Variants in KLHL20 observed in about 807,000 individuals in gnomAD.
KLHL20 encodes the protein kelch like family member 20.
In KLHL20, 29 loss-of-function variants were observed where a neutral mutation model predicts 69.5. The ratio of observed to expected loss-of-function variants is 0.42; its 90% CI spans 0.31 to 0.57. The LOEUF (loss-of-function observed/expected upper bound fraction) is 0.57. KLHL20 is among the 20% of genes least tolerant of loss of function. The pLI is 0.18. For missense variants in KLHL20, 419 were observed against 776.0 expected (o/e 0.54, Z 5.47); for synonymous variants, 253 against 265.2 (o/e 0.95, Z 0.45).
At chr1:173,738,973 T>C (rs935157500) in intron 3 of KLHL20, among the ~76,000 whole-genome samples, 28 of 152,300 alleles carry the variant, frequency 1.8e-4, no homozygotes, top group African/African-American at 6.3e-4. Context: ...TTATGTTCTT[T>C]CCTGGTTTTG....
intron 2 of KLHL20, among the ~76,000 whole-genome samples, chr1:173,722,005 T>C (rs1671738475): frequency 6.6e-6 from 1 of 152,170 alleles, no homozygotes; most frequent in African/African-American, 2.4e-5. Context: ...TGCATTGCAA[T>C]AAAGAAGTAC....
intron 7 of KLHL20, among the ~76,000 whole-genome samples, chr1:173,765,226 G>A (rs182837192): frequency 5.0e-4 from 76 of 152,270 alleles, no homozygotes; most frequent in African/African-American, 1.5e-3. Context: ...ATACTCGGCC[G>A]GACATGGTGG....
At position 173,752,268 on chromosome 1, in the gene KLHL20, A is replaced by G. The variant is rs554152396; in HGVS notation, c.756+346A>G. On this transcript the variant is annotated intron_variant, in intron 4 of 11. Transcript: ENST00000209884. Reference sequence around the variant, plus strand: ...AAAAAACTGCTTAGTACTAGATGAGATAATACGTATTTGTCTTGCAAACAT... The same window carrying G: ...AAAAAACTGCTTAGTACTAGATGAGGTAATACGTATTTGTCTTGCAAACAT... 7.9e-5 allele frequency among the ~76,000 whole-genome samples: 12 copies of G among 152,036 alleles called. 1 individual carries two copies. The highest frequency in any genetic ancestry group is 2.9e-4 in the African/African-American group (12 of 41,466).
intron 2 of KLHL20, among the ~76,000 whole-genome samples, chr1:173,716,918 A>G (rs1476053857): frequency 6.6e-6 from 1 of 152,194 alleles, no homozygotes; most frequent in African/African-American, 2.4e-5. Flanking sequence ...ATTGACCTTG[A>G]GCTGTTCACC....
At chr1:173,760,159 C>T (rs974453511) in intron 7 of KLHL20, among the ~76,000 whole-genome samples, 2 of 151,902 alleles carry the variant, frequency 1.3e-5, no homozygotes, top group African/African-American at 4.8e-5. Flanking sequence ...TAACCCAATC[C>T]AACAAAGACA....
chr1:173,784,452 T>C (rs993023745), intron 11 of KLHL20, among the ~76,000 whole-genome samples: 3 of 152,228 alleles, frequency 2.0e-5, no homozygotes, highest in Non-Finnish European at 2.9e-5. Flanking sequence ...TGAGGACTTG[T>C]TTCTTAGTAA....
Position 173,751,865 on chromosome 1 carries a change from TGCAGTGA to T in KLHL20, c.700_706del (p.Ala234TrpfsTer36). 6.2e-7 allele frequency: 1 copy of T among 1,614,152 alleles called. No individual in the cohort carries two copies. The highest frequency in any genetic ancestry group is 8.5e-7 in the Non-Finnish European group (1 of 1,180,004). ...TTCGCAGTGAAGAACAAGTGTTCAA[TGCAGTGA>T]TGGCCTGGGTCAAATACAGTATTCA... On this transcript the variant is annotated frameshift_variant, in exon 4 of 12. Transcript: ENST00000209884. LOFTEE classifies it high-confidence loss of function.
rs910801160 is a variant in KLHL20 at position 173,766,373 on chromosome 1, G to C, written c.1295+84G>C. ...AAAAGAAAAACTACAGGTTGGGCGT[G>C]GTGGCTCACACCTGTAATCCTAGCA... On this transcript the variant is annotated intron_variant, in intron 8 of 11. Coordinates refer to ENST00000209884, the MANE Select transcript of KLHL20 (RefSeq NM_014458.4). The C allele has an allele frequency of 3.9e-6, 5 of 1,288,814 alleles. No individual in the cohort carries two copies. The Admixed American group carries it at 1.0e-4, about 26-fold the overall frequency. The allele number at this position is 1,288,814 out of a possible 1,614,324, so 79.8% of individuals were successfully genotyped here.
At chr1:173,731,706 A>T (rs1033608003) in intron 2 of KLHL20, among the ~76,000 whole-genome samples, 37 of 99,216 alleles carry the variant, frequency 3.7e-4, no homozygotes, top group Non-Finnish European at 5.3e-4. Flanking sequence ...ATCACACACC[A>T]GGGCCTGTTG....
At chr1:173,758,049 A>G (rs1055519699) in intron 7 of KLHL20, among the ~76,000 whole-genome samples, 1 of 152,188 alleles carries the variant, frequency 6.6e-6, no homozygotes, top group Non-Finnish European at 1.5e-5. Context: ...CTTAAAAAGC[A>G]GAGGGATCAG....
chr1:173,735,450 C>CAA lies in KLHL20; in HGVS notation c.597+1178_597+1179dup, dbSNP rs60081642. On this transcript the variant is annotated intron_variant, in intron 3 of 11. Coordinates refer to ENST00000209884, the MANE Select transcript of KLHL20 (RefSeq NM_014458.4). Reference sequence around the variant, plus strand: ...GAGAGAGCCAGACCAGACCCTATCTCAAAAAAAAAAAAAAAGAATTTGAGA... The same window carrying CAA: ...GAGAGAGCCAGACCAGACCCTATCTCAAAAAAAAAAAAAAAAAGAATTTGAGA... 4.4e-3 allele frequency among the ~76,000 whole-genome samples: 479 copies of CAA among 108,084 alleles called. 5 individuals are homozygous for CAA. Among genetic ancestry groups the CAA allele is most frequent in the South Asian group, 6.6e-3 (22 of 3,352 alleles). 70.9% of individuals were successfully genotyped at this position (108,084 alleles called of 152,430 possible). A position where few individuals can be genotyped will look rare whatever the true frequency, so the allele number is the denominator to read the frequency against.
intron 10 of KLHL20, among the ~76,000 whole-genome samples, chr1:173,776,320 T>C (rs1318691968): frequency 6.6e-6 from 1 of 152,188 alleles, no homozygotes; most frequent in East Asian, 1.9e-4. Context: ...CCTTATATAT[T>C]CTAGTTATTA....
chr1:173,756,053 A>G lies in KLHL20; in HGVS notation c.967+15A>G. ...ACTCTTTGCAGGTTTGGATCTTAAT[A>G]TACTGTTAGTAAATTGAGTATTTTC... On this transcript the variant is annotated intron_variant, in intron 6 of 11. Coordinates refer to ENST00000209884, the MANE Select transcript of KLHL20 (RefSeq NM_014458.4). 4 of 1,526,910 alleles carry G rather than the reference A, an allele frequency of 2.6e-6. No homozygotes were observed. The highest frequency in any genetic ancestry group is 3.6e-6 in the Non-Finnish European group (4 of 1,104,020). The allele number at this position is 1,526,910 out of a possible 1,614,324, so 94.6% of individuals were successfully genotyped here.
intron 3 of KLHL20, among the ~76,000 whole-genome samples, chr1:173,740,335 C>T (rs968449252): frequency 6.6e-6 from 1 of 151,690 alleles, no homozygotes; most frequent in Admixed American, 6.6e-5. Flanking sequence ...TGGTCTTGAT[C>T]TCCTGACCTC....
chr1:173,739,230 G>A (rs935274660), intron 3 of KLHL20, among the ~76,000 whole-genome samples: 4 of 151,922 alleles, frequency 2.6e-5, no homozygotes, highest in South Asian at 2.1e-4. Flanking sequence ...CCACCACCAC[G>A]CCCAGCTAAT....
intron 2 of KLHL20, among the ~76,000 whole-genome samples, chr1:173,724,832 T>C (rs1397390387): frequency 6.6e-6 from 1 of 152,192 alleles, no homozygotes; most frequent in Non-Finnish European, 1.5e-5. Flanking sequence ...TTGTATCTTA[T>C]ATATTATCTG....
At position 173,731,151 on chromosome 1, in the gene KLHL20, T is replaced by A. The variant is rs555786731; in HGVS notation, c.24-2562T>A. Among the ~76,000 whole-genome samples the A allele has an allele frequency of 3.3e-5, 5 of 152,172 alleles. No homozygotes were observed. In the East Asian group the frequency reaches 7.7e-4, roughly 23 times the overall value. On this transcript the variant is annotated intron_variant, in intron 2 of 11. Coordinates refer to ENST00000209884, the MANE Select transcript of KLHL20 (RefSeq NM_014458.4). ...TCACTGGCCATCAGAGAAATGCAAA[T>A]CAAAACCACAGTGAGATATCATCTC...
At chr1:173,764,783 G>C (rs1318157069) in intron 7 of KLHL20, among the ~76,000 whole-genome samples, 20 of 152,084 alleles carry the variant, frequency 1.3e-4, no homozygotes, top group Admixed American at 1.3e-3. Flanking sequence ...CATGTATACT[G>C]ATGCATGCAC....
intron 3 of KLHL20, among the ~76,000 whole-genome samples, chr1:173,744,196 A>G (rs1672957113): frequency 6.6e-6 from 1 of 152,152 alleles, no homozygotes; most frequent in African/African-American, 2.4e-5. Context: ...TTTAACAGAT[A>G]AGAAGGGAAT....
Sources: allele counts gnomAD v4.1 joint callset (sites outside exome capture counted in the v4.1 genomes callset), GRCh38; gene constraint gnomAD v4.1.1; transcripts MANE v1.5; gene names NCBI Gene and HGNC (gene_info 2026-07-23, HGNC 2026-07-21).